Variants in SLC4A7 observed in about 807,000 individuals in gnomAD.
SLC4A7 encodes the protein sodium bicarbonate cotransporter 3.
Under a neutral mutation model 137.6 loss-of-function variants are expected in SLC4A7, and 51 were observed. The observed-to-expected ratio is 0.37, with a 90% CI of 0.30 to 0.47. The LOEUF (loss-of-function observed/expected upper bound fraction) is 0.47, where lower values mean the gene tolerates loss of function less well. Ranked by LOEUF, SLC4A7 falls within the 20% of genes least tolerant of loss-of-function variation. SLC4A7 has a pLI of 1.00. For synonymous variants in SLC4A7, 542 were observed against 518.6 expected, an observed-to-expected ratio of 1.05 and a Z score of -0.61; for missense variants, 1,247 against 1,525.4, an observed-to-expected ratio of 0.82 and a Z score of 3.04.
In SLC4A7 at chr3:27,436,388, C is replaced by T; in HGVS notation, c.589G>A (p.Asp197Asn). 1 of 1,606,976 alleles carries T rather than the reference C, an allele frequency of 6.2e-7. No individual in the cohort carries two copies. The highest frequency in any genetic ancestry group is 8.5e-7 in the Non-Finnish European group (1 of 1,176,496). Residue 197 changes from aspartate (D) to asparagine (N), a missense_variant and splice_region_variant, in exon 5 of 26, where the codon GAT becomes AAT. This residue lies in a region of SLC4A7 where 223 missense variants were observed against 203.6 expected (regional missense o/e 1.10). Coordinates refer to ENST00000454389, the MANE Select transcript of SLC4A7 (RefSeq NM_001321103.2). ...TTTTTAAAAGTCAGTTTACTATAAC[C>T]TGCTATTTCATCTAGAGTGCTTGCT... ...MRASTLDEIA[D>N]MVLDNMIASG...
rs2049878039 is a variant in SLC4A7 at position 27,376,084 on chromosome 3, G to A, written c.*680C>T. The A allele has an allele frequency of 6.6e-6, 1 of 152,158 alleles. No homozygotes were observed. Among genetic ancestry groups the A allele is most frequent in the Admixed American group, 6.5e-5 (1 of 15,300 alleles). 9.4% of individuals were successfully genotyped at this position (152,158 alleles called of 1,614,324 possible). A position where few individuals can be genotyped will look rare whatever the true frequency, so the allele number is the denominator to read the frequency against. On this transcript the variant is annotated 3_prime_UTR_variant, in exon 26 of 26. Transcript: ENST00000454389. ...TTCAGAAGTTATAAATGGTATGGGT[G>A]CTTAATTATCAAATCACCTGCAATT...
chr3:27,422,571 T>A (rs1163712003), intron 8 of SLC4A7, among the ~76,000 whole-genome samples: 2 of 152,200 alleles, frequency 1.3e-5, no homozygotes, highest in Non-Finnish European at 2.9e-5. Context: ...GCCTGGCCCC[T>A]TGTTTTTATT....
rs1225219519 is a variant in SLC4A7, at chr3:27,374,009, T to C, written c.*2755A>G. 2.0e-5 allele frequency: 3 copies of C among 152,562 alleles called. No individual in the cohort carries two copies. The highest frequency in any genetic ancestry group is 7.2e-5 in the African/African-American group (3 of 41,462). The allele number at this position is 152,562 out of a possible 1,614,324, so 9.5% of individuals were successfully genotyped here. A position where few individuals can be genotyped will look rare whatever the true frequency, so the allele number is the denominator to read the frequency against. On this transcript the variant is annotated 3_prime_UTR_variant, in exon 26 of 26. Transcript: ENST00000454389. ...AAAGACTGTGTGCTTGGCTTCGGCA[T>C]ATTTAATATCATTAAAGAATATATA...
chr3:27,444,239 C>A (rs59117696), intron 3 of SLC4A7, among the ~76,000 whole-genome samples: 53,378 of 151,978 alleles, frequency 0.35, 9,864 homozygotes, highest in East Asian at 0.74. Context: ...TATATGCATA[C>A]ACATTCAGGC....
chr3:27,411,415 A>G (rs1182266737), intron 12 of SLC4A7, among the ~76,000 whole-genome samples: 4 of 151,906 alleles, frequency 2.6e-5, no homozygotes, highest in African/African-American at 9.7e-5. Flanking sequence ...TTCTGAATAT[A>G]CAGTCCATTA....
intron 7 of SLC4A7, among the ~76,000 whole-genome samples, chr3:27,428,564 T>C (rs528121167): frequency 1.0e-3 from 157 of 152,254 alleles, no homozygotes; most frequent in African/African-American, 3.7e-3. Flanking sequence ...ATAAAGCCAA[T>C]AGAAAGAGAG....
At chr3:27,423,952 C>A in intron 8 of SLC4A7, 85 bp downstream of exon 8, 2 of 782,182 alleles carry the variant, frequency 2.6e-6, no homozygotes, top group South Asian at 1.7e-5. Context: ...TTACTATCAT[C>A]AATGTTAATA....
chr3:27,439,943 T>C lies in SLC4A7; in HGVS notation c.290-2417A>G, dbSNP rs140712360. ...CAGAGAGTTTTATCATGGATAGGTA[T>C]TGAATTTTGTTAAAGGCTTACTTTG... On this transcript the variant is annotated intron_variant, in intron 3 of 25. Transcript: ENST00000454389. Among the ~76,000 whole-genome samples, 6 of 152,330 alleles carry C rather than the reference T, an allele frequency of 3.9e-5. No individual in the cohort carries two copies. The East Asian group carries it at 7.7e-4, about 20-fold the overall frequency.
Position 27,421,007 on chromosome 3 carries a change from C to T in SLC4A7, c.1425-220G>A, listed in dbSNP as rs960594312. Among the ~76,000 whole-genome samples the T allele has an allele frequency of 2.0e-5, 3 of 151,942 alleles. No individual in the cohort carries two copies. In the South Asian group the frequency reaches 6.2e-4, roughly 32 times the overall value. On this transcript the variant is annotated intron_variant, in intron 9 of 25. Coordinates refer to ENST00000454389, the MANE Select transcript of SLC4A7 (RefSeq NM_001321103.2). ...AACCATAATTAACTACCAAATCAACCTTCTACCAAACTCCTGACCTCAGGT... is the reference window on the plus strand; with the variant it reads ...AACCATAATTAACTACCAAATCAACTTTCTACCAAACTCCTGACCTCAGGT...
chr3:27,452,562 T>C, intron 1 of SLC4A7, 64 bp from the exon 2 acceptor site: 1 of 1,012,984 alleles, frequency 9.9e-7, no homozygotes, highest in South Asian at 1.6e-5. Flanking sequence ...ATTATATGCA[T>C]CCTTTGAAAT....
At chr3:27,425,370 TA>T (rs56153970) in intron 7 of SLC4A7, among the ~76,000 whole-genome samples, 15,587 of 56,650 alleles carry the variant, frequency 0.28, 1,615 homozygotes, top group East Asian at 0.61. Flanking sequence ...AACTCCGTCC[TA>T]AAAAAAAAAA....
intron 12 of SLC4A7, among the ~76,000 whole-genome samples, chr3:27,409,980 T>C (rs898527198): frequency 1.1e-4 from 17 of 152,228 alleles, no homozygotes; most frequent in African/African-American, 3.9e-4. Flanking sequence ...AAATGTAGTA[T>C]GTTGTGCTTA....
intron 1 of SLC4A7, among the ~76,000 whole-genome samples, chr3:27,454,810 C>A (rs1265744470): frequency 6.6e-6 from 1 of 152,094 alleles, no homozygotes; most frequent in African/African-American, 2.4e-5. Context: ...TTAGGTCGCA[C>A]AATTGCCAGG....
At chr3:27,416,348 T>C (rs2054384630) in intron 11 of SLC4A7, among the ~76,000 whole-genome samples, 1 of 152,216 alleles carries the variant, frequency 6.6e-6, no homozygotes, top group Non-Finnish European at 1.5e-5. Flanking sequence ...TAGGATTTAA[T>C]ACTGCATCTT....
chr3:27,402,761 A>G (rs1439124263), intron 15 of SLC4A7, among the ~76,000 whole-genome samples: 1 of 152,154 alleles, frequency 6.6e-6, no homozygotes. Flanking sequence ...AAATATATAA[A>G]AAAAAGTCTA....
intron 22 of SLC4A7, among the ~76,000 whole-genome samples, chr3:27,388,341 G>A (rs905373115): frequency 2.6e-5 from 4 of 152,040 alleles, no homozygotes; most frequent in African/African-American, 9.7e-5. Flanking sequence ...ATTAGCCTTG[G>A]GTATTAATAA....
chr3:27,460,756 G>T lies in SLC4A7; in HGVS notation c.61-8258C>A, dbSNP rs1332878303. ...GTTCAAAAATCATTTTACTCGATAC[G>T]TATTTTGGATAGATACCTTCTCTCA... On this transcript the variant is annotated intron_variant, in intron 1 of 25. Coordinates refer to ENST00000454389, the MANE Select transcript of SLC4A7 (RefSeq NM_001321103.2). Among the ~76,000 whole-genome samples the T allele has an allele frequency of 3.3e-5, 5 of 152,128 alleles. No individual in the cohort carries two copies. In the South Asian group the frequency reaches 1.0e-3, roughly 31 times the overall value.
chr3:27,470,335 T>G (rs2059185765), intron 1 of SLC4A7, among the ~76,000 whole-genome samples: 1 of 152,104 alleles, frequency 6.6e-6, no homozygotes, highest in African/African-American at 2.4e-5. Context: ...CACCTCAATT[T>G]ATTAATATAC....
intron 3 of SLC4A7, among the ~76,000 whole-genome samples, chr3:27,447,185 T>C (rs976738502): frequency 6.6e-6 from 1 of 151,916 alleles, no homozygotes; most frequent in Non-Finnish European, 1.5e-5. Flanking sequence ...CGCGCCCAGC[T>C]GAGTAGAGTT....
Sources: gnomAD v4.1 joint callset for allele counts (sites outside exome capture counted in the v4.1 genomes callset) on GRCh38, gnomAD v4.1.1 for gene constraint, gnomAD v4.1.1 regional missense constraint, MANE v1.5 for transcripts, NCBI Gene and HGNC (gene_info 2026-07-23, HGNC 2026-07-21) for gene names.